ITFG1: variants seen among roughly 807,000 people sequenced by gnomAD.
ITFG1 encodes integrin alpha FG-GAP repeat containing 1.
Under a neutral mutation model 81.8 loss-of-function variants are expected in ITFG1, and 34 were observed. That is an observed-to-expected ratio of 0.42 (90% CI 0.32 to 0.55). The LOEUF is 0.55. Among genes scored for constraint, ITFG1 ranks in the 20% least tolerant of loss-of-function variants. The pLI is 0.17. For synonymous variants in ITFG1, 285 were observed against 270.6 expected, an observed-to-expected ratio of 1.05 and a Z score of -0.52; for missense variants, 672 against 755.4, an observed-to-expected ratio of 0.89 and a Z score of 1.29.
chr16:47,182,188 A>C (rs887645556), intron 14 of ITFG1, among the ~76,000 whole-genome samples: 7 of 152,042 alleles, frequency 4.6e-5, no homozygotes, highest in Admixed American at 1.3e-4. Flanking sequence ...TTAAAAAAAA[A>C]AAAAACAAAA....
chr16:47,315,154 T>C (rs1967332987), intron 8 of ITFG1, among the ~76,000 whole-genome samples: 1 of 152,110 alleles, frequency 6.6e-6, no homozygotes. Context: ...TTAAATACAA[T>C]AGTTGAATTA....
chr16:47,450,111 G>T (rs187209675), intron 5 of ITFG1: 245 of 154,580 alleles, frequency 1.6e-3, no homozygotes, highest in Non-Finnish European at 1.4e-3. Context: ...TGGAAGGAGC[G>T]GAGTGGTGGT....
At chr16:47,260,723 T>C in intron 10 of ITFG1, 28 bp from the exon 11 acceptor site, 1 of 1,612,662 alleles carries the variant, frequency 6.2e-7, no homozygotes, top group Non-Finnish European at 8.5e-7. Context: ...GGCATTTCGT[T>C]AATATAAACA....
chr16:47,428,871 G>T lies in ITFG1; in HGVS notation c.588C>A (p.Thr196=). Residue 196 remains threonine (T), a synonymous_variant, in exon 6 of 18, where the codon ACC becomes ACA. Transcript: ENST00000320640. ...GTGGAATTCGCATTTTACTTGTAGT[G>T]GTCAATGCTGGATGCCATGATAAAT... ...GGNLSWHPAL[T]TTSKMRIPHS... 1 of 1,605,122 alleles carries T rather than the reference G, an allele frequency of 6.2e-7. No individual in the cohort carries two copies. Among genetic ancestry groups the T allele is most frequent in the Non-Finnish European group, 8.5e-7 (1 of 1,174,410 alleles).
intron 13 of ITFG1, among the ~76,000 whole-genome samples, chr16:47,235,657 A>G (rs901365126): frequency 6.6e-5 from 10 of 152,206 alleles, no homozygotes; most frequent in Non-Finnish European, 1.2e-4. Flanking sequence ...AACCAGCAGA[A>G]GAGCTATTCA....
In ITFG1 at chr16:47,154,837, T is replaced by C. The variant is rs1363760588; in HGVS notation, c.*882A>G. 1 of 152,270 alleles carries C rather than the reference T, an allele frequency of 6.6e-6. No homozygotes were observed. Among genetic ancestry groups the C allele is most frequent in the East Asian group, 1.9e-4 (1 of 5,204 alleles). The allele number at this position is 152,270 out of a possible 1,614,324, so 9.4% of individuals were successfully genotyped here. A position where few individuals can be genotyped will look rare whatever the true frequency, so the allele number is the denominator to read the frequency against. ...GCACATTAATTCTTGGAGAGTACTA[T>C]AATTTTTAGTTAATATGAGCAAGTA... On this transcript the variant is annotated 3_prime_UTR_variant, in exon 18 of 18. Coordinates refer to ENST00000320640, the MANE Select transcript of ITFG1 (RefSeq NM_030790.5).
intron 13 of ITFG1, among the ~76,000 whole-genome samples, chr16:47,219,358 A>G (rs1417041398): frequency 6.6e-6 from 1 of 152,138 alleles, no homozygotes; most frequent in African/African-American, 2.4e-5. Context: ...TAGAATAAAA[A>G]ATACTGATGA....
At chr16:47,222,811 G>A (rs1232559726) in intron 13 of ITFG1, among the ~76,000 whole-genome samples, 1 of 152,190 alleles carries the variant, frequency 6.6e-6, no homozygotes, top group Non-Finnish European at 1.5e-5. Flanking sequence ...GCTGAAGAGA[G>A]CTTTACTTCC....
chr16:47,431,904 C>G (rs1199581693), intron 5 of ITFG1, among the ~76,000 whole-genome samples: 2 of 152,158 alleles, frequency 1.3e-5, no homozygotes, highest in Non-Finnish European at 2.9e-5. Context: ...TAATTTCTCA[C>G]TAGGTGAGAA....
Position 47,379,548 on chromosome 16 carries a change from C to T in ITFG1, c.656-3608G>A, listed in dbSNP as rs181871785. ...ACTAAAAAGACAAAAATTAGCCAGG[C>T]GTGGTGGTGTGCATCTGTAATCCCA... On this transcript the variant is annotated intron_variant, in intron 6 of 17. Coordinates refer to ENST00000320640, the MANE Select transcript of ITFG1 (RefSeq NM_030790.5). Among the ~76,000 whole-genome samples the T allele has an allele frequency of 3.0e-4, 46 of 152,060 alleles. No individual in the cohort carries two copies. In the East Asian group the frequency reaches 8.1e-3, roughly 27 times the overall value.
chr16:47,265,625 T>C (rs1966267380), intron 10 of ITFG1, among the ~76,000 whole-genome samples: 1 of 152,164 alleles, frequency 6.6e-6, no homozygotes, highest in South Asian at 2.1e-4. Flanking sequence ...AACACTACAG[T>C]ATTCACTAAA....
intron 8 of ITFG1, among the ~76,000 whole-genome samples, chr16:47,340,083 A>C (rs1455310154): frequency 6.6e-6 from 1 of 152,158 alleles, no homozygotes; most frequent in Non-Finnish European, 1.5e-5. Flanking sequence ...AAAAACAGTA[A>C]ACCCAAAATT....
intron 6 of ITFG1, among the ~76,000 whole-genome samples, chr16:47,397,336 A>C: frequency 6.6e-6 from 1 of 152,192 alleles, no homozygotes; most frequent in Non-Finnish European, 1.5e-5. Flanking sequence ...TGGGTAAGTT[A>C]GGAGACAGAG....
At chr16:47,421,144 T>G (rs550843161) in intron 6 of ITFG1, among the ~76,000 whole-genome samples, 1 of 152,096 alleles carries the variant, frequency 6.6e-6, no homozygotes, top group South Asian at 2.1e-4. Flanking sequence ...TTGTTACAGG[T>G]GAAGTGAGTG....
intron 14 of ITFG1, chr16:47,196,322 T>C (rs894286652): frequency 2.0e-5 from 3 of 152,154 alleles, no homozygotes; most frequent in African/African-American, 7.2e-5. Context: ...CTATTTCTTT[T>C]GCTCTGTTCT....
Position 47,424,167 on chromosome 16 carries a change from T to C in ITFG1, c.655+4637A>G, listed in dbSNP as rs552655448. Reference sequence around the variant, plus strand: ...TCTCTAACCTTGTCTTCTCACTTTATTTCATTAATTTGATCTTCAATCACT... The same window carrying C: ...TCTCTAACCTTGTCTTCTCACTTTACTTCATTAATTTGATCTTCAATCACT... On this transcript the variant is annotated intron_variant, in intron 6 of 17. Coordinates refer to ENST00000320640, the MANE Select transcript of ITFG1 (RefSeq NM_030790.5). 5.3e-5 allele frequency among the ~76,000 whole-genome samples: 8 copies of C among 152,350 alleles called. No individual in the cohort carries two copies. In the South Asian group the frequency reaches 1.7e-3, roughly 32 times the overall value.
At chr16:47,411,027 A>C (rs951199974) in intron 6 of ITFG1, among the ~76,000 whole-genome samples, 1 of 152,144 alleles carries the variant, frequency 6.6e-6, no homozygotes, top group African/African-American at 2.4e-5. Context: ...TCCGCTGAGC[A>C]GTTCAAGTGC....
At chr16:47,342,540 CAAAG>C (rs556833960) in intron 8 of ITFG1, among the ~76,000 whole-genome samples, 9 of 151,994 alleles carry the variant, frequency 5.9e-5, no homozygotes, top group Non-Finnish European at 8.8e-5. Context: ...ATAAAAATTG[CAAAG>C]AAAGAAAGAA....
chr16:47,271,227 G>C (rs1966336151), intron 10 of ITFG1, among the ~76,000 whole-genome samples: 1 of 151,964 alleles, frequency 6.6e-6, no homozygotes, highest in South Asian at 2.1e-4. Context: ...TTTAATAGGG[G>C]ACTTGTATCT....
Sources: gnomAD v4.1 joint callset for allele counts (sites outside exome capture counted in the v4.1 genomes callset) on GRCh38, gnomAD v4.1.1 for gene constraint, MANE v1.5 for transcripts, NCBI Gene and HGNC (gene_info 2026-07-23, HGNC 2026-07-21) for gene names.